The following GNA12 variants were observed in gnomAD, a reference collection of about 807,000 sequenced individuals.
GNA12 encodes the protein G protein subunit alpha 12, also known as guanine nucleotide-binding protein subunit alpha-12.
Under a neutral mutation model 26.0 loss-of-function variants are expected in GNA12, and 9 were observed. The observed-to-expected ratio is 0.35, with a 90% CI of 0.21 to 0.60. The LOEUF (loss-of-function observed/expected upper bound fraction) is 0.60. Among genes scored for constraint, GNA12 ranks in the 20% least tolerant of loss-of-function variants. GNA12 has a pLI of 0.78. For synonymous variants in GNA12, 264 were observed against 219.6 expected (o/e 1.20, Z -1.79); for missense variants, 405 against 525.8 (o/e 0.77, Z 2.25).
intron 2 of GNA12, among the ~76,000 whole-genome samples, chr7:2,746,866 T>C (rs1425387761): frequency 6.6e-6 from 1 of 152,166 alleles, no homozygotes; most frequent in African/African-American, 2.4e-5. Flanking sequence ...AAATACAAAC[T>C]ACCATCAGAG....
At chr7:2,756,591 A>C (rs528870617) in intron 2 of GNA12, among the ~76,000 whole-genome samples, 1 of 150,598 alleles carries the variant, frequency 6.6e-6, no homozygotes, top group South Asian at 2.1e-4. Context: ...CTACAGCCTG[A>C]GTGAGACCCT....
In GNA12 at chr7:2,781,397, T is replaced by G. The variant is rs193010286; in HGVS notation, c.525+13531A>C. ...CCTTTCAAATTTGGTCTCTAATCCA[T>G]TTCAAAGTAAGTGTCTGTGTGTGTG... On this transcript the variant is annotated intron_variant, in intron 2 of 3. Coordinates refer to ENST00000275364, the MANE Select transcript of GNA12 (RefSeq NM_007353.3). Among the ~76,000 whole-genome samples, 350 of 143,088 alleles carry G rather than the reference T, an allele frequency of 2.4e-3. 1 individual carries two copies. The highest frequency in any genetic ancestry group is 7.1e-3 in the Middle Eastern group (2 of 280). 93.9% of individuals were successfully genotyped at this position (143,088 alleles called of 152,430 possible).
In GNA12 at chr7:2,757,128, CCTTTTTTTTT is replaced by C. The variant is rs1232845590; in HGVS notation, c.526-23637_526-23628del. ...GGCAGGCCCGATCTAATCAGGTGGGCCTTTTTTTTTTTTTTTTTTTTTTTTGAGACGGAGT... is the reference window on the plus strand; with the variant it reads ...GGCAGGCCCGATCTAATCAGGTGGGCTTTTTTTTTTTTTTTGAGACGGAGT... On this transcript the variant is annotated intron_variant, in intron 2 of 3. Transcript: ENST00000275364. 1.9e-4 allele frequency among the ~76,000 whole-genome samples: 22 copies of C among 115,150 alleles called. No homozygotes were observed. The South Asian group carries it at 5.3e-3, about 28-fold the overall frequency. 75.5% of individuals were successfully genotyped at this position (115,150 alleles called of 152,430 possible).
intron 1 of GNA12, among the ~76,000 whole-genome samples, chr7:2,823,047 C>A (rs182952007): frequency 1.8e-4 from 27 of 152,288 alleles, no homozygotes; most frequent in Admixed American, 1.7e-3. Context: ...AGTTACCAAC[C>A]ACTCTGATGG....
At chr7:2,834,840 G>A (rs1460124401) in intron 1 of GNA12, among the ~76,000 whole-genome samples, 4 of 152,114 alleles carry the variant, frequency 2.6e-5, no homozygotes, top group Non-Finnish European at 4.4e-5. Context: ...CTAGGTATAC[G>A]GTCAGCTATA....
intron 1 of GNA12, among the ~76,000 whole-genome samples, chr7:2,804,995 A>G (rs1792910336): frequency 6.6e-6 from 1 of 152,134 alleles, no homozygotes; most frequent in Non-Finnish European, 1.5e-5. Flanking sequence ...TGTGCAGCGC[A>G]TGGTGGTGGT....
At chr7:2,740,336 C>G (rs975329459) in intron 2 of GNA12, among the ~76,000 whole-genome samples, 1 of 152,054 alleles carries the variant, frequency 6.6e-6, no homozygotes, top group Admixed American at 6.5e-5. Flanking sequence ...AGGTAGGGAC[C>G]TCATGATACG....
intron 2 of GNA12, among the ~76,000 whole-genome samples, chr7:2,735,177 G>A (rs1790103573): frequency 6.6e-6 from 1 of 152,154 alleles, no homozygotes; most frequent in South Asian, 2.1e-4. Flanking sequence ...CTGCTCTCCT[G>A]CCCTCCCCTG....
intron 2 of GNA12, among the ~76,000 whole-genome samples, chr7:2,747,631 C>CA (rs1325473512): frequency 6.6e-6 from 1 of 152,190 alleles, no homozygotes; most frequent in Non-Finnish European, 1.5e-5. Flanking sequence ...TGCCCTCTCT[C>CA]ACCACTCCTA....
rs375206732 is a variant in GNA12 at position 2,803,186 on chromosome 7, C to T, written c.310-8043G>A. ...GCAAGACAGAGCACGAGCAGATAAG[C>T]GACAGTCTCAGATGCAGAGTACAGA... On this transcript the variant is annotated intron_variant, in intron 1 of 3. Coordinates refer to ENST00000275364, the MANE Select transcript of GNA12 (RefSeq NM_007353.3). Among the ~76,000 whole-genome samples, 46 of 152,270 alleles carry T rather than the reference C, an allele frequency of 3.0e-4. No homozygotes were observed. The South Asian group carries it at 7.7e-3, about 25-fold the overall frequency.
chr7:2,780,848 T>C (rs995673318), intron 2 of GNA12, among the ~76,000 whole-genome samples: 20 of 152,252 alleles, frequency 1.3e-4, no homozygotes, highest in African/African-American at 4.3e-4. Context: ...AACATTTACA[T>C]ACATGGCTTT....
rs1792945749 is a variant in GNA12 at position 2,806,324 on chromosome 7, C to G, written c.310-11181G>C. ...TGAAACCCTATCTCTACTAAAAACA[C>G]AAAAATTAGTTGGGTGTGGGCACAT... is the stretch of plus-strand genomic sequence containing the variant. On this transcript the variant is annotated intron_variant, in intron 1 of 3. Coordinates refer to ENST00000275364, the MANE Select transcript of GNA12 (RefSeq NM_007353.3). Among the ~76,000 whole-genome samples the G allele has an allele frequency of 2.0e-5, 3 of 151,898 alleles. No individual in the cohort carries two copies. The South Asian group carries it at 6.2e-4, about 32-fold the overall frequency.
chr7:2,736,094 A>T (rs1790160204), intron 2 of GNA12, among the ~76,000 whole-genome samples: 1 of 152,232 alleles, frequency 6.6e-6, no homozygotes, highest in South Asian at 2.1e-4. Context: ...GCTCATTAAA[A>T]GGGCCAGGTT....
chr7:2,777,856 A>C (rs892175047), intron 2 of GNA12, among the ~76,000 whole-genome samples: 1 of 152,252 alleles, frequency 6.6e-6, no homozygotes, highest in African/African-American at 2.4e-5. Flanking sequence ...AAGGCTCATA[A>C]ATAAACTCAG....
At position 2,762,653 on chromosome 7, in the gene GNA12, A is replaced by C. The variant is rs941915556; in HGVS notation, c.526-29152T>G. 30 of 1,600,092 alleles carry C rather than the reference A, an allele frequency of 1.9e-5. No individual in the cohort carries two copies. In the African/African-American group the frequency reaches 4.0e-4, roughly 21 times the overall value. ...ATGCCATGAAGCACAGAGCGGCAGG[A>C]CGATGAGAGGATAAATCATTTGGAA... On this transcript the variant is annotated intron_variant, in intron 2 of 3. Coordinates refer to ENST00000275364, the MANE Select transcript of GNA12 (RefSeq NM_007353.3).
At chr7:2,817,728 G>C (rs1406138000) in intron 1 of GNA12, among the ~76,000 whole-genome samples, 5 of 152,230 alleles carry the variant, frequency 3.3e-5, no homozygotes, top group African/African-American at 1.2e-4. Flanking sequence ...GGTCACTCAG[G>C]ATTCTGGTCT....
chr7:2,828,687 G>C (rs931951954), intron 1 of GNA12, among the ~76,000 whole-genome samples: 2 of 152,202 alleles, frequency 1.3e-5, no homozygotes, highest in African/African-American at 2.4e-5. Flanking sequence ...AGTGACTTCA[G>C]TTTAGCAGGT....
chr7:2,779,889 G>T (rs115620134), intron 2 of GNA12, among the ~76,000 whole-genome samples: 3,555 of 151,636 alleles, frequency 0.023, 103 homozygotes, highest in Middle Eastern at 0.075. Context: ...TGAGCCAGCA[G>T]GCTTGGCGAA....
intron 1 of GNA12, among the ~76,000 whole-genome samples, chr7:2,801,546 A>G (rs1792809474): frequency 6.6e-6 from 1 of 152,188 alleles, no homozygotes; most frequent in Non-Finnish European, 1.5e-5. Context: ...AGCTGGTCCA[A>G]ATGAACTGCA....
Sources: allele counts gnomAD v4.1 joint callset (sites outside exome capture counted in the v4.1 genomes callset), GRCh38; gene constraint gnomAD v4.1.1; transcripts MANE v1.5; gene names NCBI Gene and HGNC (gene_info 2026-07-23, HGNC 2026-07-21).